TPRKB: variants seen among roughly 807,000 people sequenced by gnomAD.
TPRKB encodes the protein TP53RK binding protein.
Under a neutral mutation model 17.8 loss-of-function variants are expected in TPRKB, and 11 were observed. That is an observed-to-expected ratio of 0.62 (90% confidence interval 0.39 to 1.02). TPRKB has a LOEUF of 1.02. Among genes scored for constraint, TPRKB ranks in the 50% least tolerant of loss-of-function variants. The pLI is 0.00. For missense variants in TPRKB, 228 were observed against 198.0 expected (o/e 1.15, Z -0.91); for synonymous variants, 71 against 69.5 (o/e 1.02, Z -0.11).
chr2:73,733,409 C>T (rs1671725368), intron 2 of TPRKB, among the ~76,000 whole-genome samples: 1 of 152,054 alleles, frequency 6.6e-6, no homozygotes, highest in Non-Finnish European at 1.5e-5. Flanking sequence ...CCAGCACACA[C>T]CACCACACCC....
At chr2:73,736,443 GAAAA>G (rs1209186638) in intron 1 of TPRKB, among the ~76,000 whole-genome samples, 1 of 151,968 alleles carries the variant, frequency 6.6e-6, no homozygotes, top group Non-Finnish European at 1.5e-5. Flanking sequence ...AATAAGAAAG[GAAAA>G]AAACGTGCTT....
At chr2:73,730,805 C>A (rs1422845841) in intron 3 of TPRKB, 69 bp from the exon 4 acceptor site, 10 of 1,121,346 alleles carry the variant, frequency 8.9e-6, no homozygotes, top group Non-Finnish European at 1.1e-5. Flanking sequence ...TGAAACATTT[C>A]CTGATCTGCC....
chr2:73,729,900 GTTTTC>G lies in TPRKB; in HGVS notation c.*38_*42del, dbSNP rs765408516. The stretch of plus-strand genomic sequence containing the variant: ...TTATAGTCAGGAAAGGAAAATCAAT[GTTTTC>G]TTTAATGCTGAGAATTTTTGTTAAT... On this transcript the variant is annotated 3_prime_UTR_variant, in exon 5 of 5. Transcript: ENST00000272424. The G allele has an allele frequency of 2.6e-5, 36 of 1,373,042 alleles. No individual in the cohort carries two copies. The Admixed American group carries it at 8.7e-4, about 33-fold the overall frequency. The allele number at this position is 1,373,042 out of a possible 1,614,324, so 85.1% of individuals were successfully genotyped here.
chr2:73,736,931 C>G (rs1204568486), intron 1 of TPRKB, among the ~76,000 whole-genome samples: 1 of 152,156 alleles, frequency 6.6e-6, no homozygotes, highest in African/African-American at 2.4e-5. Flanking sequence ...TCTGCCCTAT[C>G]GGACAGGTAG....
chr2:73,732,964 G>C (rs1260911831), intron 2 of TPRKB, among the ~76,000 whole-genome samples: 4 of 152,138 alleles, frequency 2.6e-5, no homozygotes, highest in South Asian at 2.1e-4. Flanking sequence ...AATTGATGAG[G>C]AAATTGAGGC....
chr2:73,733,673 C>CCT (rs1273515605), intron 2 of TPRKB, among the ~76,000 whole-genome samples: 3 of 152,164 alleles, frequency 2.0e-5, no homozygotes, highest in Non-Finnish European at 2.9e-5. Context: ...GGCACTTCTG[C>CCT]CTCTATTCAC....
At position 73,730,679 on chromosome 2, in the gene TPRKB, C is replaced by A; in HGVS notation, c.322G>T (p.Val108Phe). The change falls in exon 4 of 5, where the codon GTT becomes TTT. Residue 108 changes from valine (V) to phenylalanine (F), a missense_variant. By Grantham distance (50) the Val-to-Phe change is conservative. Transcript: ENST00000272424. ...ISANDTSILIVYIEEGEKQIN... is the reference protein window; with the variant it reads ...ISANDTSILIFYIEEGEKQIN... Reference sequence around the variant, plus strand: ...TGTTTTTCTCCCTCTTCAATGTAAACAATTAGAATTGAAGTGTCATTTGCT... The same window carrying A: ...TGTTTTTCTCCCTCTTCAATGTAAAAAATTAGAATTGAAGTGTCATTTGCT... 1 of 1,564,738 alleles carries A rather than the reference C, an allele frequency of 6.4e-7. No homozygotes were observed.
chr2:73,734,103 G>A (rs1479251648), intron 2 of TPRKB, among the ~76,000 whole-genome samples: 1 of 145,210 alleles, frequency 6.9e-6, no homozygotes, highest in Non-Finnish European at 1.5e-5. Flanking sequence ...ACCATGCCTG[G>A]CCATTTTTTT....
rs181942869 is a variant in TPRKB, at chr2:73,733,229, C to T, written c.142-944G>A. On this transcript the variant is annotated intron_variant, in intron 2 of 4. Transcript: ENST00000272424. ...TGGGATTAATTCCCGGTAACATGAT[C>T]GCACTGCGTGTGCCCTGTTTTTTTG... 3.0e-3 allele frequency among the ~76,000 whole-genome samples: 441 copies of T among 148,722 alleles called. 2 individuals carry two copies. The highest frequency in any genetic ancestry group is 0.01 in the African/African-American group (426 of 40,700).
At chr2:73,737,132 A>G (rs1372040499) in intron 1 of TPRKB, among the ~76,000 whole-genome samples, 170 bp downstream of exon 1, 1 of 151,982 alleles carries the variant, frequency 6.6e-6, no homozygotes, top group East Asian at 1.9e-4. Context: ...TCACTAAACT[A>G]TTTCTTGAGG....
intron 1 of TPRKB, among the ~76,000 whole-genome samples, chr2:73,736,387 ATGTT>A (rs1289641762): frequency 3.8e-4 from 58 of 152,314 alleles, no homozygotes; most frequent in African/African-American, 1.3e-3. Flanking sequence ...TTTGTTATGT[ATGTT>A]CTGAATTTTC....
At chr2:73,736,813 C>T (rs1021600012) in intron 1 of TPRKB, among the ~76,000 whole-genome samples, 32 of 152,206 alleles carry the variant, frequency 2.1e-4, no homozygotes, top group African/African-American at 7.5e-4. Context: ...AAAGCCCCAA[C>T]TTTGTGTCAC....
Position 73,734,578 on chromosome 2 carries a change from T to G in TPRKB, c.-9A>C. On this transcript the variant is annotated 5_prime_UTR_variant, in exon 2 of 5. Coordinates refer to ENST00000272424, the MANE Select transcript of TPRKB (RefSeq NM_016058.5). ...TGATGTGTTAACTGCATTTCACAGA[T>G]AAGCAGGATTCTACTGCACACAAAA... The G allele has an allele frequency of 1.2e-6, 2 of 1,602,668 alleles. No individual in the cohort carries two copies. The highest frequency in any genetic ancestry group is 1.7e-6 in the Non-Finnish European group (2 of 1,176,322).
At chr2:73,735,530 T>C (rs1485570887) in intron 1 of TPRKB, among the ~76,000 whole-genome samples, 1 of 152,136 alleles carries the variant, frequency 6.6e-6, no homozygotes, top group African/African-American at 2.4e-5. Flanking sequence ...CCAAAGATAT[T>C]CATTCCACGC....
At chr2:73,736,274 C>T (rs1326404033) in intron 1 of TPRKB, among the ~76,000 whole-genome samples, 1 of 151,980 alleles carries the variant, frequency 6.6e-6, no homozygotes, top group Non-Finnish European at 1.5e-5. Flanking sequence ...TAAAAAGATA[C>T]ACATATTTTT....
Position 73,734,433 on chromosome 2 carries a change from G to A in TPRKB, c.137C>T (p.Thr46Ile), listed in dbSNP as rs1382689962. 2 of 1,611,566 alleles carry A rather than the reference G, an allele frequency of 1.2e-6. No individual in the cohort carries two copies. Among genetic ancestry groups the A allele is most frequent in the Admixed American group, 3.4e-5 (2 of 59,240 alleles). Reference sequence around the variant, plus strand: ...ATTCTTAAAATTTATATTTACCACTGTAGGATTTATCAGTGATCCATCGAT... The same window carrying A: ...ATTCTTAAAATTTATATTTACCACTATAGGATTTATCAGTGATCCATCGAT... ...GTIDGSLINP[T>I]VIVDPFQILV... The change falls in exon 2 of 5, where the codon ACA becomes ATA. Residue 46 changes from threonine to isoleucine, a missense_variant. Transcript: ENST00000272424.
At chr2:73,736,953 C>G (rs973292411) in intron 1 of TPRKB, among the ~76,000 whole-genome samples, 1 of 152,152 alleles carries the variant, frequency 6.6e-6, no homozygotes, top group African/African-American at 2.4e-5. Flanking sequence ...TCCCTCTCTC[C>G]TTTCATCTCC....
At chr2:73,732,818 T>C (rs1671684332) in intron 2 of TPRKB, 1 of 153,046 alleles carries the variant, frequency 6.5e-6, no homozygotes, top group South Asian at 2.0e-4. Flanking sequence ...TTTTTTTAAA[T>C]AACATTAATT....
At chr2:73,735,713 G>T (rs1383408297) in intron 1 of TPRKB, among the ~76,000 whole-genome samples, 1 of 152,146 alleles carries the variant, frequency 6.6e-6, no homozygotes, top group Non-Finnish European at 1.5e-5. Context: ...GAAAAACTAT[G>T]TATTGCAAAA....
Sources: gnomAD v4.1 joint callset for allele counts (sites outside exome capture counted in the v4.1 genomes callset) on GRCh38, gnomAD v4.1.1 for gene constraint, MANE v1.5 for transcripts, NCBI Gene and HGNC (gene_info 2026-07-23, HGNC 2026-07-21) for gene names.